COLEC10: variants seen among roughly 807,000 people sequenced by gnomAD.
COLEC10 encodes the protein collectin-10.
COLEC10 carries 22 observed loss-of-function variants against 28.4 expected under a neutral mutation model. The observed-to-expected ratio is 0.78, with a 90% CI of 0.55 to 1.11. The LOEUF (loss-of-function observed/expected upper bound fraction) is 1.11. Ranked by LOEUF, COLEC10 falls within the 50% of genes least tolerant of loss-of-function variation. The pLI, the probability that COLEC10 is intolerant of heterozygous loss-of-function variation, is 0.00. For missense variants in COLEC10, 361 were observed against 344.1 expected (o/e 1.05, Z -0.39); for synonymous variants, 125 against 116.1 (o/e 1.08, Z -0.49).
chr8:119,080,187 T>G (rs1815341586), intron 1 of COLEC10, among the ~76,000 whole-genome samples: 1 of 152,076 alleles, frequency 6.6e-6, no homozygotes, highest in Non-Finnish European at 1.5e-5. Flanking sequence ...AAGACTGCGT[T>G]CAGTGTCTCC....
chr8:119,106,940 A>G lies in COLEC10; in HGVS notation c.*749A>G, dbSNP rs1393642736. Among the ~76,000 whole-genome samples the G allele has an allele frequency of 2.0e-5, 3 of 152,160 alleles. No homozygotes were observed. Among genetic ancestry groups the G allele is most frequent in the Non-Finnish European group, 2.9e-5 (2 of 68,014 alleles). On this transcript the variant is annotated 3_prime_UTR_variant, in exon 6 of 6. Coordinates refer to ENST00000332843, the MANE Select transcript of COLEC10 (RefSeq NM_006438.5). Reference sequence around the variant, plus strand: ...ATAGTCACACTTTGATTTAAGAAAAATGGAGCTCTTGAAATCAAAAGAAAA... The same window carrying G: ...ATAGTCACACTTTGATTTAAGAAAAGTGGAGCTCTTGAAATCAAAAGAAAA...
chr8:119,085,706 C>T (rs1484791556), intron 1 of COLEC10, among the ~76,000 whole-genome samples: 4 of 150,118 alleles, frequency 2.7e-5, no homozygotes, highest in Non-Finnish European at 4.4e-5. Flanking sequence ...GCAACCTCTG[C>T]CTCCCGAGTT....
the COLEC10 span, among the ~76,000 whole-genome samples, chr8:118,964,763 C>T: frequency 6.6e-6 from 1 of 152,158 alleles, no homozygotes; most frequent in African/African-American, 2.4e-5. Flanking sequence ...AAAGTCAGCC[C>T]TGTACCCTGA....
At chr8:119,042,147 AC>A (rs1411911360) in intron 2 of COLEC10, among the ~76,000 whole-genome samples, 2 of 149,918 alleles carry the variant, frequency 1.3e-5, no homozygotes, top group East Asian at 2.0e-4. Context: ...ACAGGAATGC[AC>A]CACCATGCCC....
chr8:119,034,999 C>T (rs568162658), intron 2 of COLEC10, among the ~76,000 whole-genome samples: 11 of 152,246 alleles, frequency 7.2e-5, no homozygotes, highest in Non-Finnish European at 1.3e-4. Flanking sequence ...TCTGAGTTAG[C>T]GGCAATACTA....
the COLEC10 span, among the ~76,000 whole-genome samples, chr8:118,954,295 C>CA: frequency 6.6e-6 from 1 of 152,192 alleles, no homozygotes; most frequent in African/African-American, 2.4e-5. Flanking sequence ...GCCCTTTATT[C>CA]ATCACTCACT....
chr8:119,107,927 T>A lies in COLEC10; in HGVS notation c.*1736T>A, dbSNP rs999029516. Among the ~76,000 whole-genome samples the A allele has an allele frequency of 6.6e-6, 1 of 152,140 alleles. No individual in the cohort carries two copies. The highest frequency in any genetic ancestry group is 6.6e-5 in the Admixed American group (1 of 15,254). On this transcript the variant is annotated 3_prime_UTR_variant, in exon 6 of 6. Transcript: ENST00000332843. ...TTAAAAATTAATTAAAATTAAAGAT[T>A]TGAGGTCAAAAGTCTTCTAGCTAAA...
At chr8:119,083,425 C>T (rs1337908358) in intron 1 of COLEC10, among the ~76,000 whole-genome samples, 2 of 152,116 alleles carry the variant, frequency 1.3e-5, no homozygotes, top group Non-Finnish European at 2.9e-5. Context: ...ACTGTGGATA[C>T]GGTCTAAACC....
At chr8:119,078,898 G>T (rs973366991) in intron 1 of COLEC10, among the ~76,000 whole-genome samples, 2 of 151,948 alleles carry the variant, frequency 1.3e-5, no homozygotes, top group Non-Finnish European at 2.9e-5. Context: ...ACTTTGTACT[G>T]AAATGAGTTT....
At chr8:119,070,442 C>CTCTCTCTCTCT (rs1815080428) in intron 1 of COLEC10, among the ~76,000 whole-genome samples, 6 of 130,328 alleles carry the variant, frequency 4.6e-5, no homozygotes, top group African/African-American at 1.6e-4. Flanking sequence ...AAATGTTCTC[C>CTCTCTCTCTCT]CTCGCTCTCT....
upstream of COLEC10, among the ~76,000 whole-genome samples, chr8:119,062,282 C>A (rs932950100): frequency 6.6e-6 from 1 of 151,696 alleles, no homozygotes; most frequent in Non-Finnish European, 1.5e-5. Flanking sequence ...AAAATAAAAA[C>A]CAGAGTATCA....
chr8:119,044,804 G>A (rs918154475), intron 2 of COLEC10, among the ~76,000 whole-genome samples: 13 of 150,948 alleles, frequency 8.6e-5, no homozygotes, highest in East Asian at 1.9e-4. Context: ...GCAGTGAGCC[G>A]AGATCGCACC....
At chr8:119,079,017 ACACACACACACACACACACAC>A (rs1815312110) in intron 1 of COLEC10, among the ~76,000 whole-genome samples, 2 of 150,888 alleles carry the variant, frequency 1.3e-5, no homozygotes, top group African/African-American at 2.4e-5. Flanking sequence ...ACACACACAC[ACACACACACACACACACACAC>A]ACACACCAAC....
the COLEC10 span, among the ~76,000 whole-genome samples, chr8:118,956,737 T>C: frequency 6.6e-6 from 1 of 152,154 alleles, no homozygotes; most frequent in Non-Finnish European, 1.5e-5. Context: ...CTACTCAGGT[T>C]TTCTCCTCAA....
upstream of COLEC10, among the ~76,000 whole-genome samples, chr8:119,063,739 A>C (rs1054764237): frequency 1.3e-5 from 2 of 152,024 alleles, no homozygotes; most frequent in Non-Finnish European, 2.9e-5. Flanking sequence ...CACAAAAAAA[A>C]AAAAGAAAAG....
intron 3 of COLEC10, among the ~76,000 whole-genome samples, chr8:119,099,957 A>G (rs1815791228): frequency 6.6e-6 from 1 of 152,144 alleles, no homozygotes; most frequent in African/African-American, 2.4e-5. Flanking sequence ...TTAGCCCAGA[A>G]CTAGGATCAT....
intron 2 of COLEC10, among the ~76,000 whole-genome samples, chr8:119,057,036 T>C (rs1814774035): frequency 6.6e-6 from 1 of 152,070 alleles, no homozygotes; most frequent in African/African-American, 2.4e-5. Context: ...ACTGACAAGT[T>C]TTCTAAAATC....
At chr8:118,985,507 A>T in the COLEC10 span, among the ~76,000 whole-genome samples, 1,729 of 151,674 alleles carry the variant, frequency 0.011, 38 homozygotes, top group African/African-American at 0.04. Context: ...TGTTATTTTA[A>T]AAAAAAAGGT....
chr8:119,026,867 C>T (rs1814201209), intron 2 of COLEC10, among the ~76,000 whole-genome samples: 1 of 152,104 alleles, frequency 6.6e-6, no homozygotes, highest in African/African-American at 2.4e-5. Flanking sequence ...TTGCATCTAT[C>T]AATTTTTGGC....
Sources: gnomAD v4.1 joint callset for allele counts (sites outside exome capture counted in the v4.1 genomes callset) on GRCh38, gnomAD v4.1.1 for gene constraint, MANE v1.5 for transcripts, NCBI Gene and HGNC (gene_info 2026-07-23, HGNC 2026-07-21) for gene names.